PMFBP1: variants seen among roughly 807,000 people sequenced by gnomAD.
PMFBP1 encodes polyamine-modulated factor 1-binding protein 1.
PMFBP1 carries 131 observed loss-of-function variants against 137.8 expected under a neutral mutation model. The observed-to-expected ratio is 0.95, with a 90% CI of 0.82 to 1.10. PMFBP1 has a LOEUF of 1.10. PMFBP1 is among the 50% of genes least tolerant of loss of function. The pLI, the probability that PMFBP1 is intolerant of heterozygous loss-of-function variation, is 0.00. For missense variants in PMFBP1, 1,199 were observed against 1,175.4 expected (o/e 1.02, Z -0.29); for synonymous variants, 490 against 450.4 (o/e 1.09, Z -1.11).
intron 9 of PMFBP1, 87 bp from the exon 10 acceptor site, chr16:72,133,078 G>C: frequency 6.6e-7 from 1 of 1,509,970 alleles, no homozygotes; most frequent in Non-Finnish European, 9.0e-7. Flanking sequence ...CCTCATCCAA[G>C]CCACTGGCAT....
chr16:72,163,679 G>T (rs1597490042), intron 3 of PMFBP1, among the ~76,000 whole-genome samples: 1 of 152,132 alleles, frequency 6.6e-6, no homozygotes, highest in Non-Finnish European at 1.5e-5. Context: ...TGATTGATGG[G>T]CATTTGACTG....
Position 72,125,220 on chromosome 16 carries a change from C to A in PMFBP1, c.2421+18G>T, listed in dbSNP as rs374298340. ...ACCCCTACCAGGAAGGCAGCCCAAG[C>A]CCCTGGCAGCTCCTCACCTCCAGCT... On this transcript the variant is annotated intron_variant, in intron 16 of 20. Coordinates refer to ENST00000237353, the MANE Select transcript of PMFBP1 (RefSeq NM_031293.3). The A allele has an allele frequency of 1.2e-4, 194 of 1,608,780 alleles. No individual in the cohort carries two copies. The highest frequency in any genetic ancestry group is 1.5e-4 in the Non-Finnish European group (180 of 1,178,290).
At chr16:72,239,445 T>C in the PMFBP1 span, among the ~76,000 whole-genome samples, 2 of 152,344 alleles carry the variant, frequency 1.3e-5, no homozygotes, top group Non-Finnish European at 2.9e-5. Flanking sequence ...ATAAAACACA[T>C]TCTCAATTTA....
the PMFBP1 span, among the ~76,000 whole-genome samples, chr16:72,206,386 TG>T: frequency 6.6e-6 from 1 of 152,196 alleles, no homozygotes; most frequent in African/African-American, 2.4e-5. Context: ...GAGGAACCAC[TG>T]GGATGCTCAC....
At chr16:72,164,489 G>A (rs1300154044) in intron 3 of PMFBP1, 3 of 1,425,758 alleles carry the variant, frequency 2.1e-6, no homozygotes, top group Non-Finnish European at 2.8e-6. Flanking sequence ...GCAATGAGCT[G>A]TAAATACAGG....
At chr16:72,247,403 A>G in the PMFBP1 span, among the ~76,000 whole-genome samples, 1 of 152,242 alleles carries the variant, frequency 6.6e-6, no homozygotes, top group Non-Finnish European at 1.5e-5. Flanking sequence ...TGATAACACA[A>G]GCTTCAGCTA....
intron 3 of PMFBP1, among the ~76,000 whole-genome samples, chr16:72,160,740 C>A (rs574960072): frequency 6.6e-6 from 1 of 152,246 alleles, no homozygotes; most frequent in South Asian, 2.1e-4. Context: ...ACTGTCCGGG[C>A]CATAGCAGAA....
chr16:72,190,053 A>C, the PMFBP1 span, among the ~76,000 whole-genome samples: 2 of 152,230 alleles, frequency 1.3e-5, no homozygotes, highest in South Asian at 4.1e-4. Context: ...TAGGTTCTAC[A>C]CTAGCAACGT....
At chr16:72,223,933 C>G in the PMFBP1 span, among the ~76,000 whole-genome samples, 1 of 152,134 alleles carries the variant, frequency 6.6e-6, no homozygotes, top group African/African-American at 2.4e-5. Context: ...GGGCAAACAC[C>G]TGGGAAGGAT....
intron 9 of PMFBP1, among the ~76,000 whole-genome samples, chr16:72,133,420 C>T (rs1289716207): frequency 1.3e-5 from 2 of 152,112 alleles, no homozygotes; most frequent in Non-Finnish European, 2.9e-5. Flanking sequence ...TTCAAGTAAT[C>T]CACCTGCCTC....
chr16:72,174,642 G>A (rs2043250597), upstream of PMFBP1, among the ~76,000 whole-genome samples: 3 of 152,244 alleles, frequency 2.0e-5, no homozygotes, highest in Admixed American at 2.0e-4. Context: ...AGTTCTGCAT[G>A]GCTGGGGAGG....
chr16:72,174,784 G>A (rs528002409), upstream of PMFBP1, among the ~76,000 whole-genome samples: 13 of 152,210 alleles, frequency 8.5e-5, no homozygotes, highest in Admixed American at 3.3e-4. Context: ...TCACTATCAC[G>A]AGAACAGCAT....
the PMFBP1 span, among the ~76,000 whole-genome samples, chr16:72,194,354 C>G: frequency 2.0e-5 from 3 of 151,626 alleles, no homozygotes; most frequent in South Asian, 6.2e-4. Flanking sequence ...TTTTTTTTGG[C>G]TCTTCCTCAT....
chr16:72,142,647 T>C (rs1016279837), intron 5 of PMFBP1, among the ~76,000 whole-genome samples: 2 of 152,160 alleles, frequency 1.3e-5, no homozygotes, highest in South Asian at 2.1e-4. Context: ...TATTGAGAAA[T>C]TGTGCCACCC....
At chr16:72,147,443 C>T (rs946896214) in intron 5 of PMFBP1, among the ~76,000 whole-genome samples, 5 of 152,152 alleles carry the variant, frequency 3.3e-5, no homozygotes, top group Non-Finnish European at 5.9e-5. Flanking sequence ...CTAGGCAATA[C>T]CGTTCAGGAC....
chr16:72,205,500 T>C, the PMFBP1 span, among the ~76,000 whole-genome samples: 46 of 152,358 alleles, frequency 3.0e-4, no homozygotes, highest in Non-Finnish European at 1.5e-4. Flanking sequence ...GTGAGCATCC[T>C]GGATTGCTGT....
chr16:72,215,368 G>A, the PMFBP1 span, among the ~76,000 whole-genome samples: 701 of 126,050 alleles, frequency 5.6e-3, 8 homozygotes, highest in South Asian at 0.046. Flanking sequence ...GAGAGAGAGA[G>A]AAAAAAAAAA....
chr16:72,175,769 C>T (rs983207044), upstream of PMFBP1, among the ~76,000 whole-genome samples: 1 of 152,098 alleles, frequency 6.6e-6, no homozygotes, highest in Non-Finnish European at 1.5e-5. Flanking sequence ...GTTCTACCTC[C>T]TACCAGTGAA....
At chr16:72,136,937 G>C (rs1356209396) in intron 7 of PMFBP1, 118 bp from the exon 8 acceptor site, 1 of 1,382,766 alleles carries the variant, frequency 7.2e-7, no homozygotes, top group African/African-American at 1.4e-5. Flanking sequence ...AGTAATGGCT[G>C]CTGGGGGCCA....
Sources: allele counts gnomAD v4.1 joint callset (sites outside exome capture counted in the v4.1 genomes callset), GRCh38; gene constraint gnomAD v4.1.1; transcripts MANE v1.5; gene names NCBI Gene and HGNC (gene_info 2026-07-23, HGNC 2026-07-21).